The following SH3PXD2A variants were observed in gnomAD, a reference collection of about 807,000 sequenced individuals.
SH3PXD2A encodes the protein SH3 and PX domains 2A.
Under a neutral mutation model 115.2 loss-of-function variants are expected in SH3PXD2A, and 32 were observed. That is an observed-to-expected ratio of 0.28 (90% CI 0.21 to 0.37). The LOEUF is 0.37. Ranked by LOEUF, SH3PXD2A falls within the 10% of genes least tolerant of loss-of-function variation. The pLI is 1.00. For missense variants in SH3PXD2A, 1,328 were observed against 1,498.7 expected (o/e 0.89, Z 1.88); for synonymous variants, 610 against 629.1 (o/e 0.97, Z 0.45).
At chr10:103,833,862 C>A (rs1422800982) in intron 1 of SH3PXD2A, among the ~76,000 whole-genome samples, 1 of 152,176 alleles carries the variant, frequency 6.6e-6, no homozygotes, top group African/African-American at 2.4e-5. Flanking sequence ...AGGAACCCAG[C>A]AACTTTCACC....
At chr10:103,788,860 C>T (rs576626407) in intron 2 of SH3PXD2A, among the ~76,000 whole-genome samples, 99 of 152,108 alleles carry the variant, frequency 6.5e-4, no homozygotes, top group African/African-American at 2.4e-3. Flanking sequence ...CCAGCCTGGG[C>T]ATCAGAGCAA....
At chr10:103,819,617 G>A (rs947608944) in intron 1 of SH3PXD2A, among the ~76,000 whole-genome samples, 4 of 152,164 alleles carry the variant, frequency 2.6e-5, no homozygotes, top group African/African-American at 9.7e-5. Flanking sequence ...AAAGCCAGCT[G>A]AAGTGTTTCT....
chr10:103,759,702 A>G (rs1414262174), intron 3 of SH3PXD2A, among the ~76,000 whole-genome samples: 4 of 152,232 alleles, frequency 2.6e-5, no homozygotes, highest in African/African-American at 2.4e-5. Context: ...TCCTCAGGCC[A>G]GCAAACTCGG....
intron 2 of SH3PXD2A, among the ~76,000 whole-genome samples, chr10:103,791,655 C>T (rs571870520): frequency 6.6e-6 from 1 of 152,052 alleles, no homozygotes; most frequent in South Asian, 2.1e-4. Flanking sequence ...CCCGCTGCCA[C>T]CACCTTCCTT....
In SH3PXD2A at chr10:103,653,536, G is replaced by T. The variant is rs185177300; in HGVS notation, c.604+7447C>A. ...CTATTCAAGGAAAATGGCCTTGGAG[G>T]AGTTTGGGACATGAGAGGTCCACAG... On this transcript the variant is annotated intron_variant, in intron 8 of 14. Transcript: ENST00000369774. 2.5e-4 allele frequency among the ~76,000 whole-genome samples: 38 copies of T among 152,292 alleles called. No homozygotes were observed. The East Asian group carries it at 7.4e-3, about 30-fold the overall frequency.
chr10:103,620,122 C>T lies in SH3PXD2A; in HGVS notation c.802+2348G>A, dbSNP rs1420061969. On this transcript the variant is annotated intron_variant, in intron 10 of 14. Transcript: ENST00000369774. The surrounding 1 kb of genome is among the most constrained non-coding windows in gnomAD (Gnocchi z 5.3). ...CCCAGACAGACGGACATGGCCTCAG[C>T]GGGCAGCTGCATGATTCAGGGTGGT... Among the ~76,000 whole-genome samples the T allele has an allele frequency of 5.9e-5, 9 of 152,204 alleles. No individual in the cohort carries two copies. The highest frequency in any genetic ancestry group is 2.6e-4 in the Admixed American group (4 of 15,290).
At chr10:103,607,385 C>A (rs1280194544) in intron 13 of SH3PXD2A, among the ~76,000 whole-genome samples, 1 of 151,986 alleles carries the variant, frequency 6.6e-6, no homozygotes, top group African/African-American at 2.4e-5. Flanking sequence ...CCAGCAGCCA[C>A]CCCGTCCGGG....
At chr10:103,738,790 A>T (rs1278422792) in intron 3 of SH3PXD2A, among the ~76,000 whole-genome samples, 1 of 149,144 alleles carries the variant, frequency 6.7e-6, no homozygotes, top group Non-Finnish European at 1.5e-5. Flanking sequence ...TGCAGACAGA[A>T]CTCTCTTTTT....
intron 2 of SH3PXD2A, among the ~76,000 whole-genome samples, chr10:103,775,103 G>T (rs929666601): frequency 6.6e-6 from 1 of 152,224 alleles, no homozygotes; most frequent in Admixed American, 6.5e-5. Flanking sequence ...AAGGAGTTGG[G>T]ATGCTTTTAG....
At chr10:103,639,683 C>A (rs1014716706) in intron 8 of SH3PXD2A, among the ~76,000 whole-genome samples, 4 of 150,762 alleles carry the variant, frequency 2.7e-5, no homozygotes, top group African/African-American at 9.8e-5. Context: ...CAAGCTGGTG[C>A]CCTCTCTCAG....
chr10:103,697,104 G>A (rs560556076), intron 5 of SH3PXD2A, among the ~76,000 whole-genome samples: 17 of 152,220 alleles, frequency 1.1e-4, no homozygotes, highest in Admixed American at 5.2e-4. Context: ...TTCTGGAGAC[G>A]GAGGCCTCCA....
At position 103,657,974 on chromosome 10, in the gene SH3PXD2A, T is replaced by G. The variant is rs1592286000; in HGVS notation, c.604+3009A>C. On this transcript the variant is annotated intron_variant, in intron 8 of 14. Transcript: ENST00000369774. Reference sequence around the variant, plus strand: ...TGACCTCTGTTGAGGGGAGAGATCTTAGCTCTTGGACTCTAAGGCAATTAC... The same window carrying G: ...TGACCTCTGTTGAGGGGAGAGATCTGAGCTCTTGGACTCTAAGGCAATTAC... Among the ~76,000 whole-genome samples, 6 of 152,334 alleles carry G rather than the reference T, an allele frequency of 3.9e-5. No homozygotes were observed. In the South Asian group the frequency reaches 1.2e-3, roughly 32 times the overall value.
At chr10:103,769,298 T>C (rs995678802) in intron 2 of SH3PXD2A, among the ~76,000 whole-genome samples, 1 of 152,096 alleles carries the variant, frequency 6.6e-6, no homozygotes, top group Non-Finnish European at 1.5e-5. Context: ...CCAGGTTATT[T>C]AGATCCCACA....
In SH3PXD2A at chr10:103,603,335, T is replaced by C; in HGVS notation, c.1883A>G (p.Tyr628Cys). 1 of 1,614,176 alleles carries C rather than the reference T, an allele frequency of 6.2e-7. No homozygotes were observed. Among genetic ancestry groups the C allele is most frequent in the Non-Finnish European group, 8.5e-7 (1 of 1,180,026 alleles). ...TIYENEGFRP[Y>C]AEDTLSARGS... ...TCTGGCTGACAGGGTGTCCTCTGCA[T>C]ATGGCCGGAAGCCCTCATTCTCATA... Residue 628 changes from tyrosine to cysteine, a missense_variant, in exon 15 of 15, where the codon TAT becomes TGT. Physicochemically the swap from Tyr to Cys is radical, Grantham distance 194. Transcript: ENST00000369774.
At chr10:103,636,247 A>T (rs928988496) in intron 8 of SH3PXD2A, among the ~76,000 whole-genome samples, 2 of 152,096 alleles carry the variant, frequency 1.3e-5, no homozygotes, top group Admixed American at 1.3e-4. Context: ...TCTCTACTGA[A>T]AATACAAAAA....
At chr10:103,796,373 A>G (rs993016612) in intron 2 of SH3PXD2A, among the ~76,000 whole-genome samples, 1 of 149,994 alleles carries the variant, frequency 6.7e-6, no homozygotes, top group Non-Finnish European at 1.5e-5. Flanking sequence ...TAAAAACTAA[A>G]TAAATAAAAG....
In SH3PXD2A at chr10:103,694,705, G is replaced by A. The variant is rs900262206; in HGVS notation, c.399-1649C>T. Among the ~76,000 whole-genome samples the A allele has an allele frequency of 5.3e-5, 8 of 152,306 alleles. No individual in the cohort carries two copies. In the South Asian group the frequency reaches 6.2e-4, roughly 12 times the overall value. On this transcript the variant is annotated intron_variant, in intron 5 of 14. Coordinates refer to ENST00000369774, the MANE Select transcript of SH3PXD2A (RefSeq NM_001394015.1). ...AGGAAACAGAGGTTCAGCCATTGCC[G>A]AAGGTTGCCCAATCTGGGGAAGGGC...
At chr10:103,642,711 T>C (rs916559736) in intron 8 of SH3PXD2A, among the ~76,000 whole-genome samples, 1 of 152,214 alleles carries the variant, frequency 6.6e-6, no homozygotes, top group Admixed American at 6.5e-5. Flanking sequence ...TGGTGCTTAA[T>C]AGATCTATTT....
At chr10:103,827,623 C>T (rs552864702) in intron 1 of SH3PXD2A, among the ~76,000 whole-genome samples, 1 of 152,272 alleles carries the variant, frequency 6.6e-6, no homozygotes, top group South Asian at 2.1e-4. Context: ...CTCAGTGCAC[C>T]GTGACTTCCT....
Sources: allele counts gnomAD v4.1 joint callset (sites outside exome capture counted in the v4.1 genomes callset), GRCh38; gene constraint gnomAD v4.1.1; non-coding constraint Gnocchi (gnomAD v3.1); transcripts MANE v1.5; gene names NCBI Gene and HGNC (gene_info 2026-07-23, HGNC 2026-07-21).